TMEM131: variants seen among roughly 807,000 people sequenced by gnomAD.
The protein encoded by TMEM131 is 2610524E03Rik.
Under a neutral mutation model 211.6 loss-of-function variants are expected in TMEM131, and 66 were observed. The observed-to-expected ratio is 0.31, with a 90% CI of 0.26 to 0.38. TMEM131 has a LOEUF of 0.38. TMEM131 is among the 10% of genes least tolerant of loss of function. TMEM131 has a pLI of 1.00. For synonymous variants in TMEM131, 844 were observed against 841.3 expected, an observed-to-expected ratio of 1.00 and a Z score of -0.06; for missense variants, 2,036 against 2,299.3, an observed-to-expected ratio of 0.89 and a Z score of 2.34.
intron 1 of TMEM131, among the ~76,000 whole-genome samples, chr2:97,988,177 C>T (rs1680110670): frequency 6.6e-6 from 1 of 152,168 alleles, no homozygotes; most frequent in Non-Finnish European, 1.5e-5. Context: ...AATTAATTTT[C>T]ATACAAGGAC....
At chr2:97,951,487 C>G (rs1361339475) in intron 1 of TMEM131, among the ~76,000 whole-genome samples, 1 of 152,176 alleles carries the variant, frequency 6.6e-6, no homozygotes, top group Non-Finnish European at 1.5e-5. Flanking sequence ...GCTTCTCACT[C>G]TATCTCTGCT....
intron 1 of TMEM131, among the ~76,000 whole-genome samples, chr2:97,947,539 A>G (rs1678100089): frequency 6.6e-6 from 1 of 152,152 alleles, no homozygotes; most frequent in African/African-American, 2.4e-5. Context: ...GACAAAATAC[A>G]GCTGGAAGAA....
intron 11 of TMEM131, chr2:97,827,329 C>T: frequency 1.3e-6 from 1 of 798,336 alleles, no homozygotes; most frequent in Non-Finnish European, 2.3e-6. Context: ...GTCAGCTAAA[C>T]CTCCTGCAAA....
chr2:97,806,262 C>T (rs1485324348), intron 19 of TMEM131, among the ~76,000 whole-genome samples: 1 of 152,156 alleles, frequency 6.6e-6, no homozygotes, highest in Admixed American at 6.5e-5. Context: ...ACAAGCTGGG[C>T]ACAGTGGCTC....
At chr2:97,965,767 T>C (rs189595867) in intron 1 of TMEM131, among the ~76,000 whole-genome samples, 245 of 151,874 alleles carry the variant, frequency 1.6e-3, no homozygotes, top group African/African-American at 5.6e-3. Flanking sequence ...TGAATTTAGA[T>C]TGTGTAAAAT....
At chr2:97,843,384 G>C (rs1683288705) in intron 6 of TMEM131, among the ~76,000 whole-genome samples, 1 of 152,176 alleles carries the variant, frequency 6.6e-6, no homozygotes, top group South Asian at 2.1e-4. Context: ...CACCCAAGGT[G>C]GAGTACAGTG....
In TMEM131 at chr2:97,867,265, T is replaced by C. The variant is rs76948876; in HGVS notation, c.360-7838A>G. Among the ~76,000 whole-genome samples, 490 of 152,338 alleles carry C rather than the reference T, an allele frequency of 3.2e-3. 7 individuals are homozygous for C. In the East Asian group the frequency reaches 0.04, roughly 13 times the overall value. ...TCTGCCTAGATGGTATAGCCATTAT[T>C]GAAAATGGGGATACTGAAGACTGTC... On this transcript the variant is annotated intron_variant, in intron 4 of 40. Transcript: ENST00000186436.
At chr2:97,847,082 G>A (rs1178634616) in intron 5 of TMEM131, among the ~76,000 whole-genome samples, 1 of 109,314 alleles carries the variant, frequency 9.1e-6, no homozygotes, top group African/African-American at 2.8e-5. Context: ...GGGGGGGGGG[G>A]GGGGGCCGAG....
At chr2:97,910,450 T>C (rs1178064770) in intron 2 of TMEM131, among the ~76,000 whole-genome samples, 1 of 152,162 alleles carries the variant, frequency 6.6e-6, no homozygotes, top group African/African-American at 2.4e-5. Context: ...AGCAGTATTA[T>C]TCACAACCAT....
chr2:97,855,505 G>C (rs1292664294), intron 5 of TMEM131, among the ~76,000 whole-genome samples: 1 of 152,150 alleles, frequency 6.6e-6, no homozygotes, highest in African/African-American at 2.4e-5. Context: ...TTTGAGACCA[G>C]CCTGGCCAAC....
chr2:97,967,515 A>AG (rs1679110291), intron 1 of TMEM131, among the ~76,000 whole-genome samples: 1 of 151,900 alleles, frequency 6.6e-6, no homozygotes, highest in African/African-American at 2.4e-5. Flanking sequence ...GAAAGGAAAG[A>AG]GAAAAAAAAA....
At chr2:97,883,913 T>C (rs1248068937) in intron 4 of TMEM131, among the ~76,000 whole-genome samples, 1 of 152,192 alleles carries the variant, frequency 6.6e-6, no homozygotes, top group Non-Finnish European at 1.5e-5. Context: ...GTATTTTTAG[T>C]CTCAATTTCA....
intron 1 of TMEM131, among the ~76,000 whole-genome samples, chr2:97,943,203 G>A (rs541699578): frequency 7.2e-5 from 11 of 151,938 alleles, no homozygotes; most frequent in African/African-American, 2.4e-4. Context: ...AGCTATGACT[G>A]TACCACTGCA....
At chr2:97,943,202 T>A (rs898982091) in intron 1 of TMEM131, among the ~76,000 whole-genome samples, 1 of 151,914 alleles carries the variant, frequency 6.6e-6, no homozygotes, top group Admixed American at 6.6e-5. Flanking sequence ...GAGCTATGAC[T>A]GTACCACTGC....
chr2:97,894,302 G>T (rs1675509411), intron 3 of TMEM131, among the ~76,000 whole-genome samples: 1 of 152,176 alleles, frequency 6.6e-6, no homozygotes, highest in Non-Finnish European at 1.5e-5. Flanking sequence ...ATAATTTGAA[G>T]TCAGGTAGCA....
chr2:97,834,997 G>T, intron 8 of TMEM131, 72 bp from the exon 9 acceptor site: 2 of 1,513,952 alleles, frequency 1.3e-6, no homozygotes, highest in Non-Finnish European at 1.8e-6. Flanking sequence ...TTATTGAACT[G>T]GATGACACTG....
chr2:97,768,515 A>C (rs1313633496), intron 33 of TMEM131, among the ~76,000 whole-genome samples: 2 of 152,234 alleles, frequency 1.3e-5, no homozygotes, highest in Non-Finnish European at 2.9e-5. Flanking sequence ...ATACTTTCCT[A>C]AATTAAGCCA....
At chr2:97,815,807 C>T (rs1426705427) in intron 12 of TMEM131, among the ~76,000 whole-genome samples, 2 of 152,172 alleles carry the variant, frequency 1.3e-5, no homozygotes, top group African/African-American at 2.4e-5. Flanking sequence ...AATTACCCCC[C>T]ACTTAGCCCT....
Position 97,818,792 on chromosome 2 carries a change from T to C in TMEM131, c.1075-71A>G, listed in dbSNP as rs192469330. On this transcript the variant is annotated intron_variant, in intron 11 of 40. Transcript: ENST00000186436. ...TGGTTCAGTTGCCTTATACTTATAC[T>C]GGAAAGTATACTGGAAAAGTAAAGT... 1.4e-5 allele frequency: 14 copies of C among 1,009,430 alleles called. No homozygotes were observed. The African/African-American group carries it at 1.8e-4, about 13-fold the overall frequency. 62.5% of individuals were successfully genotyped at this position (1,009,430 alleles called of 1,614,324 possible).
Sources: gnomAD v4.1 joint callset for allele counts (sites outside exome capture counted in the v4.1 genomes callset) on GRCh38, gnomAD v4.1.1 for gene constraint, MANE v1.5 for transcripts, NCBI Gene and HGNC (gene_info 2026-07-23, HGNC 2026-07-21) for gene names.